SMYD2: variants seen among roughly 807,000 people sequenced by gnomAD.
SMYD2 encodes SET and MYND domain containing 2.
SMYD2 carries 53 observed loss-of-function variants against 59.1 expected under a neutral mutation model. The observed-to-expected ratio is 0.90, with a 90% CI of 0.72 to 1.13. SMYD2 has a LOEUF of 1.13. Among genes scored for constraint, SMYD2 ranks in the 50% most tolerant of loss-of-function variants. SMYD2 has a pLI of 0.00. For synonymous variants in SMYD2, 208 were observed against 198.8 expected (o/e 1.05, Z -0.39); for missense variants, 494 against 544.7 (o/e 0.91, Z 0.93).
chr1:214,295,084 AG>A (rs527672967), intron 1 of SMYD2, among the ~76,000 whole-genome samples: 23 of 152,210 alleles, frequency 1.5e-4, no homozygotes, highest in Admixed American at 5.2e-4. Flanking sequence ...GAGAGAACTG[AG>A]TTAGAAAGGC....
intron 1 of SMYD2, among the ~76,000 whole-genome samples, chr1:214,284,461 T>C (rs1022436874): frequency 1.3e-5 from 2 of 151,958 alleles, no homozygotes; most frequent in African/African-American, 4.8e-5. Context: ...GGTTTCTCCA[T>C]GTTGGTCAGG....
At chr1:214,324,608 A>T in intron 5 of SMYD2, 33 bp from the exon 6 acceptor site, 1 of 1,571,672 alleles carries the variant, frequency 6.4e-7, no homozygotes, top group Non-Finnish European at 8.7e-7. Flanking sequence ...GCTCCAGCTC[A>T]TTTTTTTCCT....
At chr1:214,293,593 C>T (rs913176693) in intron 1 of SMYD2, among the ~76,000 whole-genome samples, 31 of 152,114 alleles carry the variant, frequency 2.0e-4, no homozygotes, top group Admixed American at 1.3e-3. Flanking sequence ...CTCTCAGTTC[C>T]AGGTCGTGTG....
intron 1 of SMYD2, among the ~76,000 whole-genome samples, chr1:214,290,411 T>C (rs1656617549): frequency 6.6e-6 from 1 of 152,188 alleles, no homozygotes; most frequent in African/African-American, 2.4e-5. Flanking sequence ...AGTGGAAATA[T>C]TGTATGTATG....
intron 1 of SMYD2, among the ~76,000 whole-genome samples, chr1:214,296,626 A>T (rs1466545099): frequency 6.6e-6 from 1 of 152,212 alleles, no homozygotes; most frequent in Non-Finnish European, 1.5e-5. Context: ...AATGTATTAA[A>T]TGTTTTGCTT....
At position 214,281,445 on chromosome 1, in the gene SMYD2, G is replaced by GGAGC; in HGVS notation, c.173+18_173+19insGAGC. On this transcript the variant is annotated intron_variant, in intron 1 of 11. Coordinates refer to ENST00000366957, the MANE Select transcript of SMYD2 (RefSeq NM_020197.3). ...TTCACCAGGTAGGGCGGCGGCGGCG[G>GGAGC]CGGCGGCGGGCGGGAGCCGGGGGCG... The GGAGC allele has an allele frequency of 7.2e-7, 1 of 1,388,354 alleles. No individual in the cohort carries two copies. Among genetic ancestry groups the GGAGC allele is most frequent in the Admixed American group, 2.9e-5 (1 of 34,890 alleles). 86.0% of individuals were successfully genotyped at this position (1,388,354 alleles called of 1,614,324 possible).
intron 1 of SMYD2, among the ~76,000 whole-genome samples, chr1:214,284,879 G>T (rs1286199791): frequency 1.3e-5 from 2 of 152,174 alleles, no homozygotes; most frequent in African/African-American, 4.8e-5. Context: ...TTAACCCAGT[G>T]TTCCATCTAA....
Position 214,281,438 on chromosome 1 carries a change from G to T in SMYD2, c.173+11G>T, listed in dbSNP as rs1656442353. ...GTACTGCTTCACCAGGTAGGGCGGC[G>T]GCGGCGGCGGCGGCGGGCGGGAGCC... On this transcript the variant is annotated intron_variant, in intron 1 of 11. Transcript: ENST00000366957. The T allele has an allele frequency of 7.2e-7, 1 of 1,395,914 alleles. No individual in the cohort carries two copies. Among genetic ancestry groups the T allele is most frequent in the Non-Finnish European group, 9.3e-7 (1 of 1,070,948 alleles). The allele number at this position is 1,395,914 out of a possible 1,614,324, so 86.5% of individuals were successfully genotyped here.
intron 9 of SMYD2, chr1:214,331,762 A>G: frequency 2.7e-6 from 1 of 373,570 alleles, no homozygotes; most frequent in Admixed American, 4.2e-5. Flanking sequence ...ATTTTAATCA[A>G]CATTGTTTAC....
At chr1:214,302,447 T>C (rs1656841110) in intron 1 of SMYD2, among the ~76,000 whole-genome samples, 2 of 152,098 alleles carry the variant, frequency 1.3e-5, no homozygotes, top group South Asian at 2.1e-4. Context: ...ACCTTCTGCA[T>C]TGCAAATGTT....
At chr1:214,288,610 G>A (rs1204958658) in intron 1 of SMYD2, among the ~76,000 whole-genome samples, 2 of 152,094 alleles carry the variant, frequency 1.3e-5, no homozygotes, top group Non-Finnish European at 2.9e-5. Context: ...TTTAACAAAC[G>A]AATGCATTGT....
Position 214,327,551 on chromosome 1 carries a change from T to A in SMYD2, c.603-71T>A, listed in dbSNP as rs1657282490. On this transcript the variant is annotated intron_variant, in intron 6 of 11. Transcript: ENST00000366957. ...GATTCAGTTCCTCTGACTTAGCAAG[T>A]AAGTAGTGAAGGAAGCTAAACAGTC... The A allele has an allele frequency of 3.3e-6, 4 of 1,217,798 alleles. No individual in the cohort carries two copies. In the East Asian group the frequency reaches 9.3e-5, roughly 28 times the overall value. The allele number at this position is 1,217,798 out of a possible 1,614,324, so 75.4% of individuals were successfully genotyped here.
chr1:214,297,401 G>A (rs140768085), intron 1 of SMYD2, among the ~76,000 whole-genome samples: 1 of 151,542 alleles, frequency 6.6e-6, no homozygotes, highest in East Asian at 1.9e-4. Flanking sequence ...AGATTACATT[G>A]CAAATGAAAA....
chr1:214,298,309 C>G (rs1656765431), intron 1 of SMYD2, among the ~76,000 whole-genome samples: 1 of 152,136 alleles, frequency 6.6e-6, no homozygotes, highest in Admixed American at 6.5e-5. Flanking sequence ...GGGGAAAGGA[C>G]TCCCTATTCA....
intron 2 of SMYD2, among the ~76,000 whole-genome samples, chr1:214,311,833 G>C (rs1031601832): frequency 2.6e-5 from 4 of 152,162 alleles, no homozygotes; most frequent in Non-Finnish European, 4.4e-5. Flanking sequence ...TTGCAGGCCC[G>C]TTAGGGACAG....
rs923414235 is a variant in SMYD2, at chr1:214,331,038, T to C, written c.905T>C (p.Ile302Thr). Residue 302 changes from isoleucine (I) to threonine (T), a missense_variant, in exon 9 of 12, where the codon ATT (isoleucine) becomes ACT (threonine). Transcript: ENST00000366957. The stretch of plus-strand genomic sequence containing the variant: ...ATGGTCAGATATGCACGCAACGTCA[T>C]TGAAGAGTTCCGGAGGGCCAAGCAC... ...RDMVRYARNV[I>T]EEFRRAKHYK... The C allele has an allele frequency of 3.1e-6, 5 of 1,614,076 alleles. No individual in the cohort carries two copies. Among genetic ancestry groups the C allele is most frequent in the Non-Finnish European group, 4.2e-6 (5 of 1,180,026 alleles).
At chr1:214,327,878 G>A (rs1407199145) in intron 7 of SMYD2, among the ~76,000 whole-genome samples, 154 bp downstream of exon 7, 1 of 152,254 alleles carries the variant, frequency 6.6e-6, no homozygotes, top group Non-Finnish European at 1.5e-5. Context: ...CCAGGAGTCA[G>A]TGATCAGATT....
At chr1:214,322,417 A>G (rs1657187059) in intron 5 of SMYD2, among the ~76,000 whole-genome samples, 1 of 152,240 alleles carries the variant, frequency 6.6e-6, no homozygotes, top group Non-Finnish European at 1.5e-5. Context: ...GGCACAAAAA[A>G]TAATATGCCA....
intron 5 of SMYD2, 79 bp from the exon 6 acceptor site, chr1:214,324,562 T>G: frequency 7.8e-7 from 1 of 1,286,260 alleles, no homozygotes; most frequent in Non-Finnish European, 1.1e-6. Flanking sequence ...TTGTTAAAAG[T>G]CAAAATTTAA....
Sources: gnomAD v4.1 joint callset for allele counts (sites outside exome capture counted in the v4.1 genomes callset) on GRCh38, gnomAD v4.1.1 for gene constraint, MANE v1.5 for transcripts, NCBI Gene and HGNC (gene_info 2026-07-23, HGNC 2026-07-21) for gene names.